The following CSMD1 variants were observed in gnomAD, a reference collection of about 807,000 sequenced individuals.
CSMD1 encodes the protein CUB and Sushi multiple domains 1.
CSMD1 carries 213 observed loss-of-function variants against 417.5 expected under a neutral mutation model. The ratio of observed to expected loss-of-function variants is 0.51; its 90% CI spans 0.46 to 0.57. CSMD1 has a LOEUF of 0.57. Among genes scored for constraint, CSMD1 ranks in the 20% least tolerant of loss-of-function variants. CSMD1 has a pLI of 0.00. For missense variants in CSMD1, 6,923 were observed against 4,529.7 expected, an observed-to-expected ratio of 1.53 and a Z score of -15.17; for synonymous variants, 2,862 against 1,736.8, an observed-to-expected ratio of 1.65 and a Z score of -16.11.
intron 3 of CSMD1, among the ~76,000 whole-genome samples, chr8:4,055,376 A>G (rs7001863): frequency 0.092 from 14,031 of 152,098 alleles, 819 homozygotes; most frequent in Admixed American, 0.17. Flanking sequence ...AAATTTCACA[A>G]ACTTACTAAG....
intron 5 of CSMD1, among the ~76,000 whole-genome samples, chr8:3,783,666 C>A (rs1483420618): frequency 6.6e-6 from 1 of 152,218 alleles, no homozygotes; most frequent in Non-Finnish European, 1.5e-5. Flanking sequence ...TTGAAGCACC[C>A]TGCTGCTGGT....
chr8:4,173,337 C>G (rs971438391), intron 3 of CSMD1, among the ~76,000 whole-genome samples: 1 of 152,120 alleles, frequency 6.6e-6, no homozygotes, highest in African/African-American at 2.4e-5. Flanking sequence ...GCAAACCTAA[C>G]CAGATATTCA....
chr8:3,260,001 A>G (rs1800936627), intron 26 of CSMD1, among the ~76,000 whole-genome samples: 1 of 152,176 alleles, frequency 6.6e-6, no homozygotes, highest in South Asian at 2.1e-4. Flanking sequence ...TGCAAAGCCT[A>G]AAATAGCTAC....
At chr8:4,279,810 T>C (rs370739897) in intron 3 of CSMD1, among the ~76,000 whole-genome samples, 1 of 152,206 alleles carries the variant, frequency 6.6e-6, no homozygotes, top group Non-Finnish European at 1.5e-5. Context: ...TTATGTCTTT[T>C]TGATGATAAA....
intron 3 of CSMD1, among the ~76,000 whole-genome samples, chr8:4,205,605 G>C (rs1799931513): frequency 6.6e-6 from 1 of 152,200 alleles, no homozygotes; most frequent in Admixed American, 6.5e-5. Context: ...ATGAAGCCCT[G>C]ACAATTTCCA....
chr8:3,112,393 C>A (rs558842620), intron 42 of CSMD1, among the ~76,000 whole-genome samples: 2 of 152,220 alleles, frequency 1.3e-5, no homozygotes, highest in Admixed American at 6.5e-5. Context: ...AGCACCCTTC[C>A]TGTTGGGAAA....
chr8:3,876,467 G>C (rs946115783), intron 5 of CSMD1, among the ~76,000 whole-genome samples: 2 of 152,154 alleles, frequency 1.3e-5, no homozygotes, highest in African/African-American at 4.8e-5. Context: ...TTGTTGGAGA[G>C]TCCTAACAGA....
chr8:3,542,910 C>T (rs148214850), intron 10 of CSMD1, among the ~76,000 whole-genome samples: 155 of 152,216 alleles, frequency 1.0e-3, no homozygotes, highest in Non-Finnish European at 1.5e-3. Flanking sequence ...GTGGAGACAC[C>T]GTCCTCCCCA....
chr8:4,005,742 G>C (rs1015836246), intron 4 of CSMD1, among the ~76,000 whole-genome samples: 1 of 152,162 alleles, frequency 6.6e-6, no homozygotes, highest in African/African-American at 2.4e-5. Flanking sequence ...ATATGTGGAA[G>C]TGAGTTATTG....
chr8:3,460,627 G>A (rs1816439968), intron 12 of CSMD1, among the ~76,000 whole-genome samples: 1 of 152,094 alleles, frequency 6.6e-6, no homozygotes, highest in Non-Finnish European at 1.5e-5. Flanking sequence ...CAGGAGGGAT[G>A]GGATAGAAGG....
At chr8:4,921,930 G>A (rs4607643) in intron 1 of CSMD1, among the ~76,000 whole-genome samples, 118,130 of 152,102 alleles carry the variant, frequency 0.78, 49,616 homozygotes, top group East Asian at 0.96. Context: ...CCTTCTGAAC[G>A]TACCCTCACA....
intron 2 of CSMD1, among the ~76,000 whole-genome samples, chr8:4,531,940 C>G (rs941780961): frequency 1.3e-5 from 2 of 150,484 alleles, no homozygotes; most frequent in African/African-American, 4.9e-5. Context: ...CATTCACACT[C>G]ACTCCAGAAA....
At chr8:3,393,850 G>A (rs1181507192) in intron 17 of CSMD1, among the ~76,000 whole-genome samples, 2 of 151,108 alleles carry the variant, frequency 1.3e-5, no homozygotes, top group Non-Finnish European at 2.9e-5. Context: ...GGGGTGTGGG[G>A]AGGGGGCAGG....
chr8:3,658,081 G>A (rs1798220658), intron 7 of CSMD1, among the ~76,000 whole-genome samples: 2 of 152,218 alleles, frequency 1.3e-5, no homozygotes, highest in African/African-American at 2.4e-5. Context: ...ATTCAGCACT[G>A]ATTATCACAA....
chr8:4,593,681 A>G (rs1563317761), intron 2 of CSMD1, among the ~76,000 whole-genome samples: 1 of 152,180 alleles, frequency 6.6e-6, no homozygotes, highest in Non-Finnish European at 1.5e-5. Flanking sequence ...ATTAGTTACT[A>G]CTTCCATGTA....
intron 8 of CSMD1, among the ~76,000 whole-genome samples, chr8:3,602,953 G>T (rs954615862): frequency 1.3e-5 from 2 of 151,958 alleles, no homozygotes; most frequent in African/African-American, 4.8e-5. Flanking sequence ...ATTTTATTTT[G>T]ATGAAAAAAT....
chr8:3,913,046 G>A (rs867738101), intron 5 of CSMD1, among the ~76,000 whole-genome samples: 10 of 152,128 alleles, frequency 6.6e-5, no homozygotes, highest in African/African-American at 2.4e-4. Flanking sequence ...CGTGACTTTA[G>A]CAGCAGGGCA....
intron 1 of CSMD1, among the ~76,000 whole-genome samples, chr8:4,949,817 T>C (rs1808617202): frequency 6.6e-6 from 1 of 152,214 alleles, no homozygotes; most frequent in African/African-American, 2.4e-5. Context: ...ATATTGAGCA[T>C]ATCTGAAGGA....
At chr8:3,255,938 T>A (rs1423263814) in intron 26 of CSMD1, among the ~76,000 whole-genome samples, 1 of 152,182 alleles carries the variant, frequency 6.6e-6, no homozygotes, top group East Asian at 1.9e-4. Flanking sequence ...AATGCAGAAA[T>A]CACCCATCTT....
Sources: allele counts gnomAD v4.1 joint callset (sites outside exome capture counted in the v4.1 genomes callset), GRCh38; gene constraint gnomAD v4.1.1; transcripts MANE v1.5; gene names NCBI Gene and HGNC (gene_info 2026-07-23, HGNC 2026-07-21).